STPG2: variants seen among roughly 807,000 people sequenced by gnomAD.
STPG2 encodes the protein sperm tail PG-rich repeat containing 2.
A neutral mutation model predicts 54.2 loss-of-function variants in STPG2; 56 were observed. The observed-to-expected ratio is 1.03, with a 90% CI of 0.83 to 1.29. The LOEUF is 1.29. Among genes scored for constraint, STPG2 ranks in the 50% most tolerant of loss-of-function variants. STPG2 has a pLI of 0.00. For missense variants in STPG2, 596 were observed against 544.9 expected (o/e 1.09, Z -0.93); for synonymous variants, 200 against 181.8 (o/e 1.10, Z -0.81).
intron 8 of STPG2, among the ~76,000 whole-genome samples, chr4:97,923,894 C>T (rs1302351837): frequency 1.3e-5 from 2 of 152,194 alleles, no homozygotes; most frequent in African/African-American, 4.8e-5. Context: ...CTCTGTAAAA[C>T]AGACCAATCG....
chr4:98,127,656 A>G (rs868645458), intron 3 of STPG2, among the ~76,000 whole-genome samples: 1 of 152,202 alleles, frequency 6.6e-6, no homozygotes, highest in Non-Finnish European at 1.5e-5. Context: ...TCTGTCTTAT[A>G]ATTGAGTAAA....
chr4:97,668,613 C>T (rs191052507), intron 10 of STPG2, among the ~76,000 whole-genome samples: 251 of 122,498 alleles, frequency 2.0e-3, no homozygotes, highest in African/African-American at 7.3e-3. Context: ...AATGAGAACA[C>T]GGTCAAAGAA....
At position 97,638,339 on chromosome 4, in the gene STPG2, C is replaced by T. The variant is rs1217442912; in HGVS notation, c.1320+74360G>A. On this transcript the variant is annotated intron_variant, in intron 10 of 10. Transcript: ENST00000295268. ...CCTTCCTTACACCTTATACAAAAAT[C>T]AATTCAAGATGGATTAAAGACTTAA... 1.3e-4 allele frequency among the ~76,000 whole-genome samples: 20 copies of T among 151,988 alleles called. No homozygotes were observed. The East Asian group carries it at 2.3e-3, about 18-fold the overall frequency.
At chr4:97,984,803 C>CAA (rs1482235076) in intron 5 of STPG2, among the ~76,000 whole-genome samples, 4 of 152,196 alleles carry the variant, frequency 2.6e-5, no homozygotes. Flanking sequence ...TTGCTGATTA[C>CAA]CCGCAACAGT....
intron 10 of STPG2, among the ~76,000 whole-genome samples, chr4:97,645,137 C>G (rs963739774): frequency 6.6e-6 from 1 of 151,636 alleles, no homozygotes; most frequent in African/African-American, 2.4e-5. Context: ...TATAAATAAA[C>G]TGTTGCCTTT....
At chr4:98,054,639 A>C (rs17549478) in intron 5 of STPG2, among the ~76,000 whole-genome samples, 1 of 152,142 alleles carries the variant, frequency 6.6e-6, no homozygotes, top group South Asian at 2.1e-4. Context: ...ACTGAGATCC[A>C]TCTTGCATCC....
At chr4:97,508,237 A>G (rs1477156535) in intron 4 of STPG2, among the ~76,000 whole-genome samples, 1 of 152,096 alleles carries the variant, frequency 6.6e-6, no homozygotes, top group Non-Finnish European at 1.5e-5. Context: ...TGAAATAGGC[A>G]TGACTGAAAT....
chr4:98,110,989 A>T (rs1324633017), intron 3 of STPG2, among the ~76,000 whole-genome samples: 1 of 152,150 alleles, frequency 6.6e-6, no homozygotes, highest in African/African-American at 2.4e-5. Flanking sequence ...AAGTATATCA[A>T]ATAGACACAA....
At chr4:97,713,830 G>C (rs1578501201) in intron 9 of STPG2, among the ~76,000 whole-genome samples, 1 of 152,266 alleles carries the variant, frequency 6.6e-6, no homozygotes, top group East Asian at 1.9e-4. Context: ...AGAGAAGATA[G>C]GGAGACGTAA....
At chr4:97,503,972 A>T (rs1009059330) in intron 4 of STPG2, among the ~76,000 whole-genome samples, 12 of 138,766 alleles carry the variant, frequency 8.6e-5, no homozygotes, top group African/African-American at 1.8e-4. Flanking sequence ...AATATATTTT[A>T]AAAATATATT....
intron 5 of STPG2, among the ~76,000 whole-genome samples, chr4:98,060,315 GA>G (rs762814946): frequency 2.2e-4 from 34 of 151,870 alleles, no homozygotes; most frequent in Non-Finnish European, 3.5e-4. Context: ...ATCCCATTCA[GA>G]ACTGCCACAA....
At chr4:97,847,291 T>G (rs896436355) in intron 8 of STPG2, among the ~76,000 whole-genome samples, 1 of 152,146 alleles carries the variant, frequency 6.6e-6, no homozygotes, top group African/African-American at 2.4e-5. Context: ...TCCTTGCCAT[T>G]TTAAGCATCT....
intron 5 of STPG2, among the ~76,000 whole-genome samples, chr4:98,072,286 T>C (rs28627410): frequency 0.4 from 60,193 of 152,036 alleles, 12,157 homozygotes; most frequent in Middle Eastern, 0.46. Context: ...GAAGCCATTA[T>C]TCTCAGCAAA....
intron 8 of STPG2, among the ~76,000 whole-genome samples, chr4:97,842,448 C>G (rs1176867899): frequency 6.6e-6 from 1 of 151,854 alleles, no homozygotes; most frequent in Non-Finnish European, 1.5e-5. Flanking sequence ...AGATCCTGTG[C>G]ATACAATATG....
intron 4 of STPG2, among the ~76,000 whole-genome samples, chr4:97,445,405 C>T (rs944043488): frequency 1.1e-4 from 17 of 152,064 alleles, no homozygotes; most frequent in Non-Finnish European, 2.2e-4. Flanking sequence ...TAATTTGAGC[C>T]ACAAAAGTAA....
chr4:98,127,453 A>G (rs2110161396), intron 3 of STPG2, among the ~76,000 whole-genome samples: 1 of 152,358 alleles, frequency 6.6e-6, no homozygotes, highest in Middle Eastern at 3.4e-3. Flanking sequence ...ATGTAGTCAC[A>G]TACCAACAAA....
rs528979992 is a variant in STPG2 at position 98,131,967 on chromosome 4, T to C, written c.222+2380A>G. ...ACCTTTAAATTCCTATGGCATTTCA[T>C]TACATGATCATTCATTTAGCAACTG... On this transcript the variant is annotated intron_variant, in intron 2 of 10. Coordinates refer to ENST00000295268, the MANE Select transcript of STPG2 (RefSeq NM_174952.3). Among the ~76,000 whole-genome samples the C allele has an allele frequency of 1.8e-3, 280 of 152,252 alleles. 3 individuals are homozygous for C. The highest frequency in any genetic ancestry group is 0.01 in the Middle Eastern group (3 of 294).
intron 10 of STPG2, among the ~76,000 whole-genome samples, chr4:97,660,575 C>T (rs887133063): frequency 6.6e-6 from 1 of 152,130 alleles, no homozygotes; most frequent in African/African-American, 2.4e-5. Flanking sequence ...AATATGACTA[C>T]TAAAAAATGG....
chr4:97,988,922 C>A lies in STPG2; in HGVS notation c.613-7604G>T, dbSNP rs761417599. 4.7e-4 allele frequency among the ~76,000 whole-genome samples: 71 copies of A among 152,146 alleles called. No individual in the cohort carries two copies. In the Middle Eastern group the frequency reaches 0.01, roughly 22 times the overall value. ...AGCCACTGCGCCTGGCCAGCCATTT[C>A]TAATTATGATAAAATATGTAAATCC... On this transcript the variant is annotated intron_variant, in intron 5 of 10. Coordinates refer to ENST00000295268, the MANE Select transcript of STPG2 (RefSeq NM_174952.3).
Sources: gnomAD v4.1 joint callset for allele counts (sites outside exome capture counted in the v4.1 genomes callset) on GRCh38, gnomAD v4.1.1 for gene constraint, MANE v1.5 for transcripts, NCBI Gene and HGNC (gene_info 2026-07-23, HGNC 2026-07-21) for gene names.